The following DDX4 variants were observed in gnomAD, a reference collection of about 807,000 sequenced individuals.
DDX4 encodes probable ATP-dependent RNA helicase DDX4.
DDX4 carries 25 observed loss-of-function variants against 100.0 expected under a neutral mutation model. That is an observed-to-expected ratio of 0.25 (90% CI 0.18 to 0.35). The LOEUF (loss-of-function observed/expected upper bound fraction) is 0.35, where lower values mean the gene tolerates loss of function less well. Among genes scored for constraint, DDX4 ranks in the 10% least tolerant of loss-of-function variants. The pLI, the probability that DDX4 is intolerant of heterozygous loss-of-function variation, is 1.00. For synonymous variants in DDX4, 259 were observed against 275.7 expected, an observed-to-expected ratio of 0.94 and a Z score of 0.60; for missense variants, 635 against 882.4, an observed-to-expected ratio of 0.72 and a Z score of 3.55.
chr5:55,792,147 A>AT (rs1742614779), intron 16 of DDX4, among the ~76,000 whole-genome samples: 1 of 144,474 alleles, frequency 6.9e-6, no homozygotes, highest in South Asian at 2.2e-4. Context: ...AAAAAAAAAA[A>AT]GCGCAGTTAA....
intron 18 of DDX4, among the ~76,000 whole-genome samples, chr5:55,803,669 T>C (rs893079334): frequency 6.6e-6 from 1 of 151,940 alleles, no homozygotes; most frequent in Non-Finnish European, 1.5e-5. Context: ...TCATTTTTTA[T>C]GGATGCACAG....
At chr5:55,748,811 T>C (rs1235483171) in intron 3 of DDX4, among the ~76,000 whole-genome samples, 4 of 152,198 alleles carry the variant, frequency 2.6e-5, no homozygotes, top group Non-Finnish European at 4.4e-5. Flanking sequence ...TTGACTCTGA[T>C]TTTTTAGATT....
intron 3 of DDX4, among the ~76,000 whole-genome samples, chr5:55,751,817 G>C (rs1759569766): frequency 6.6e-6 from 1 of 151,958 alleles, no homozygotes; most frequent in Non-Finnish European, 1.5e-5. Flanking sequence ...TAATTTTTTT[G>C]CTTCTTGATT....
At position 55,790,568 on chromosome 5, in the gene DDX4, G is replaced by C. The variant is rs1157999220; in HGVS notation, c.1173-8G>C. On this transcript the variant is annotated splice_polypyrimidine_tract_variant and splice_region_variant and intron_variant, in intron 15 of 21. Transcript: ENST00000505374. Reference sequence around the variant, plus strand: ...CTAGAAAATAACATTTAGTTTTCTTGTTAATAGGACTTGTGTAAGAGCTGT... The same window carrying C: ...CTAGAAAATAACATTTAGTTTTCTTCTTAATAGGACTTGTGTAAGAGCTGT... 6.4e-7 allele frequency: 1 copy of C among 1,563,448 alleles called. No individual in the cohort carries two copies. The highest frequency in any genetic ancestry group is 1.8e-5 in the Admixed American group (1 of 55,914).
intron 11 of DDX4, 24 bp from the exon 12 acceptor site, chr5:55,785,423 C>T (rs778994474): frequency 2.8e-5 from 45 of 1,600,490 alleles, no homozygotes; most frequent in Non-Finnish European, 3.1e-5. Flanking sequence ...ACATGTATCT[C>T]TTTTTTATTT....
intron 9 of DDX4, among the ~76,000 whole-genome samples, chr5:55,781,476 GGTTAAA>G (rs1741907274): frequency 6.6e-6 from 1 of 152,120 alleles, no homozygotes; most frequent in Non-Finnish European, 1.5e-5. Flanking sequence ...ATGAGGTTAA[GGTTAAA>G]GTTAAACCTA....
chr5:55,741,993 T>G (rs1759003719), intron 2 of DDX4: 2 of 319,758 alleles, frequency 6.3e-6, no homozygotes, highest in African/African-American at 4.3e-5. Context: ...GGAGCTTTAT[T>G]TGGAGACTTA....
chr5:55,744,815 G>T (rs1214068039), intron 2 of DDX4, among the ~76,000 whole-genome samples: 1 of 152,112 alleles, frequency 6.6e-6, no homozygotes, highest in Non-Finnish European at 1.5e-5. Flanking sequence ...GCAGTGGCAG[G>T]TTGCATATAT....
intron 16 of DDX4, among the ~76,000 whole-genome samples, 177 bp from the exon 17 acceptor site, chr5:55,792,464 G>A (rs534209610): frequency 6.6e-5 from 10 of 151,064 alleles, no homozygotes; most frequent in South Asian, 4.2e-4. Context: ...GGTTCACACC[G>A]TTCTCCTGCC....
chr5:55,815,532 G>A lies in DDX4; in HGVS notation c.2097+109G>A, dbSNP rs982853440. On this transcript the variant is annotated intron_variant, in intron 21 of 21. Transcript: ENST00000505374. ...ATTTAATAATCAAGCCATTGTTTTC[G>A]TGCCTGGAAGGTAGCTACTTTATTA... 2.3e-5 allele frequency: 31 copies of A among 1,356,892 alleles called. 1 individual carries two copies. The South Asian group carries it at 2.8e-4, about 12-fold the overall frequency. The allele number at this position is 1,356,892 out of a possible 1,614,324, so 84.1% of individuals were successfully genotyped here.
At chr5:55,812,588 G>A (rs1005752287) in intron 18 of DDX4, among the ~76,000 whole-genome samples, 6 of 150,394 alleles carry the variant, frequency 4.0e-5, no homozygotes, top group Admixed American at 2.0e-4. Context: ...GCGAGACTGC[G>A]TCTCAAAAAA....
chr5:55,745,534 A>AT (rs1227691952), intron 2 of DDX4, among the ~76,000 whole-genome samples: 2 of 151,998 alleles, frequency 1.3e-5, no homozygotes, highest in African/African-American at 4.8e-5. Flanking sequence ...TGAACCTCCC[A>AT]TCTCAGCCTC....
chr5:55,786,737 G>T, intron 14 of DDX4, 67 bp downstream of exon 14: 1 of 1,338,618 alleles, frequency 7.5e-7, no homozygotes, highest in Non-Finnish European at 1.1e-6. Context: ...TAGTAACTTG[G>T]TTTCTTCTTT....
At chr5:55,779,776 C>T (rs1459921908) in intron 7 of DDX4, among the ~76,000 whole-genome samples, 188 bp from the exon 8 acceptor site, 5 of 152,158 alleles carry the variant, frequency 3.3e-5, no homozygotes, top group Admixed American at 6.5e-5. Flanking sequence ...AAATTGTAGC[C>T]ATATCTATTT....
chr5:55,750,021 C>T (rs1212897802), intron 3 of DDX4, among the ~76,000 whole-genome samples: 1 of 151,422 alleles, frequency 6.6e-6, no homozygotes, highest in Non-Finnish European at 1.5e-5. Context: ...CTAGAAAAAA[C>T]TCAGCAATAG....
chr5:55,752,508 T>G (rs1759630708), intron 3 of DDX4, among the ~76,000 whole-genome samples: 1 of 147,462 alleles, frequency 6.8e-6, no homozygotes, highest in African/African-American at 2.6e-5. Context: ...ACAAAGGAGA[T>G]GAACTCATCA....
chr5:55,746,113 ACG>A (rs1342440676), intron 2 of DDX4, 49 bp from the exon 3 acceptor site: 1 of 1,289,758 alleles, frequency 7.8e-7, no homozygotes, highest in African/African-American at 1.5e-5. Flanking sequence ...AATAAATGAC[ACG>A]TTCATATTCA....
At chr5:55,791,576 GA>G (rs1211598220) in intron 16 of DDX4, among the ~76,000 whole-genome samples, 1 of 152,142 alleles carries the variant, frequency 6.6e-6, no homozygotes, top group African/African-American at 2.4e-5. Flanking sequence ...AAAGAGGTTA[GA>G]AAAAATTTTA....
At chr5:55,808,654 T>TG (rs1402897049) in intron 18 of DDX4, among the ~76,000 whole-genome samples, 2 of 152,240 alleles carry the variant, frequency 1.3e-5, no homozygotes, top group African/African-American at 2.4e-5. Context: ...CAGCAGATAT[T>TG]GCTACCTGAT....
Sources: gnomAD v4.1 joint callset for allele counts (sites outside exome capture counted in the v4.1 genomes callset) on GRCh38, gnomAD v4.1.1 for gene constraint, MANE v1.5 for transcripts, NCBI Gene and HGNC (gene_info 2026-07-23, HGNC 2026-07-21) for gene names.